Variants in HNRNPUL1 observed in about 807,000 individuals in gnomAD.
HNRNPUL1 encodes heterogeneous nuclear ribonucleoprotein U like 1.
Under a neutral mutation model 108.5 loss-of-function variants are expected in HNRNPUL1, and 14 were observed. The ratio of observed to expected loss-of-function variants is 0.13; its 90% CI spans 0.09 to 0.20. The LOEUF is 0.20. Ranked by LOEUF, HNRNPUL1 falls within the 10% of genes least tolerant of loss-of-function variation. HNRNPUL1 has a pLI of 1.00. For synonymous variants in HNRNPUL1, 422 were observed against 445.2 expected (o/e 0.95, Z 0.66); for missense variants, 804 against 1,168.3 (o/e 0.69, Z 4.55).
Position 41,303,968 on chromosome 19 carries a change from A to G in HNRNPUL1, c.1973-4A>G. ...CGCCTTTCATCTGGATTTCTCCAAC[A>G]CAGGTTTCAACCGCAGCGGAGGTGG... On this transcript the variant is annotated splice_polypyrimidine_tract_variant and splice_region_variant and intron_variant, in intron 12 of 14. Transcript: ENST00000392006. 1 of 1,604,354 alleles carries G rather than the reference A, an allele frequency of 6.2e-7. No individual in the cohort carries two copies. Among genetic ancestry groups the G allele is most frequent in the Non-Finnish European group, 8.5e-7 (1 of 1,172,728 alleles).
At chr19:41,304,408 C>T in intron 13 of HNRNPUL1, 147 bp downstream of exon 13, 1 of 1,406,962 alleles carries the variant, frequency 7.1e-7, no homozygotes, top group Non-Finnish European at 9.4e-7. Flanking sequence ...TTCTTTCTCC[C>T]TGGCCGTGAT....
At chr19:41,276,491 A>G in intron 5 of HNRNPUL1, 193 bp downstream of exon 5, 2 of 531,194 alleles carry the variant, frequency 3.8e-6, no homozygotes, top group Admixed American at 3.7e-5. Flanking sequence ...AAGCAGGCCA[A>G]CCATGCATTG....
chr19:41,284,860 G>A (rs1425332313), intron 7 of HNRNPUL1, among the ~76,000 whole-genome samples: 1 of 152,070 alleles, frequency 6.6e-6, no homozygotes, highest in Non-Finnish European at 1.5e-5. Flanking sequence ...GCCGGGCGTG[G>A]TGGCCAGCGC....
Position 41,306,890 on chromosome 19 carries a change from C to T in HNRNPUL1, c.*325C>T, listed in dbSNP as rs2037578398. ...CTCCCTTGATCATACAGTGAGGCTA[C>T]AGTGACTGAGGGGAGAATCCCCTCC... On this transcript the variant is annotated 3_prime_UTR_variant, in exon 15 of 15. Transcript: ENST00000392006. 4 of 193,974 alleles carry T rather than the reference C, an allele frequency of 2.1e-5. No individual in the cohort carries two copies. In the Admixed American group the frequency reaches 2.4e-4, roughly 12 times the overall value. The allele number at this position is 193,974 out of a possible 1,614,324, so 12.0% of individuals were successfully genotyped here. A position where few individuals can be genotyped will look rare whatever the true frequency, so the allele number is the denominator to read the frequency against.
Position 41,264,428 on chromosome 19 carries a change from T to A in HNRNPUL1, c.-76T>A. 1 of 1,221,562 alleles carries A rather than the reference T, an allele frequency of 8.2e-7. No homozygotes were observed. Among genetic ancestry groups the A allele is most frequent in the South Asian group, 2.7e-5 (1 of 37,366 alleles). 75.7% of individuals were successfully genotyped at this position (1,221,562 alleles called of 1,614,324 possible). ...CCCCCCCCTTTCCCCCTTCGCCTCC[T>A]GACAGGAAAGGTTTAAGGGGGACAG... On this transcript the variant is annotated 5_prime_UTR_variant, in exon 1 of 15. Coordinates refer to ENST00000392006, the MANE Select transcript of HNRNPUL1 (RefSeq NM_007040.6).
At chr19:41,276,362 A>G in intron 5 of HNRNPUL1, 64 bp downstream of exon 5, 6 of 1,525,886 alleles carry the variant, frequency 3.9e-6, no homozygotes, top group Middle Eastern at 1.8e-4. Context: ...TCCTGATACC[A>G]GCCACCTTGG....
chr19:41,271,196 T>C (rs1337526915), intron 2 of HNRNPUL1, among the ~76,000 whole-genome samples: 1 of 152,242 alleles, frequency 6.6e-6, no homozygotes, highest in Non-Finnish European at 1.5e-5. Flanking sequence ...CAGACATTTC[T>C]TGTGGGTGGC....
At chr19:41,268,689 C>G (rs2035015444) in intron 2 of HNRNPUL1, among the ~76,000 whole-genome samples, 1 of 151,960 alleles carries the variant, frequency 6.6e-6, no homozygotes, top group Non-Finnish European at 1.5e-5. Flanking sequence ...TGAAACCCGT[C>G]TCTACTAAAA....
intron 7 of HNRNPUL1, among the ~76,000 whole-genome samples, chr19:41,290,749 C>T (rs1233704283): frequency 6.6e-6 from 1 of 152,066 alleles, no homozygotes; most frequent in Non-Finnish European, 1.5e-5. Flanking sequence ...GAACTGAAGC[C>T]ATCCACCTTC....
In HNRNPUL1 at chr19:41,303,967, C is replaced by G; in HGVS notation, c.1973-5C>G. 1 of 1,603,910 alleles carries G rather than the reference C, an allele frequency of 6.2e-7. No individual in the cohort carries two copies. The highest frequency in any genetic ancestry group is 8.5e-7 in the Non-Finnish European group (1 of 1,172,440). ...GCGCCTTTCATCTGGATTTCTCCAA[C>G]ACAGGTTTCAACCGCAGCGGAGGTG... On this transcript the variant is annotated splice_polypyrimidine_tract_variant and splice_region_variant and intron_variant, in intron 12 of 14. Transcript: ENST00000392006.
In HNRNPUL1 at chr19:41,294,838, A is replaced by T. The variant is rs2036794050; in HGVS notation, c.1518+152A>T. 2.3e-6 allele frequency: 2 copies of T among 869,988 alleles called. No individual in the cohort carries two copies. Among genetic ancestry groups the T allele is most frequent in the Non-Finnish European group, 3.6e-6 (2 of 559,210 alleles). The allele number at this position is 869,988 out of a possible 1,614,324, so 53.9% of individuals were successfully genotyped here. A position where few individuals can be genotyped will look rare whatever the true frequency, so the allele number is the denominator to read the frequency against. Reference sequence around the variant, plus strand: ...GTCAGACCTTGTCATACATGATGACATGGTACTACACACAGCTGAGCCTGG... The same window carrying T: ...GTCAGACCTTGTCATACATGATGACTTGGTACTACACACAGCTGAGCCTGG... On this transcript the variant is annotated intron_variant, in intron 10 of 14. Coordinates refer to ENST00000392006, the MANE Select transcript of HNRNPUL1 (RefSeq NM_007040.6). This position sits in a 1 kb window ranked among gnomAD's most constrained non-coding sequence, Gnocchi z 4.3.
intron 10 of HNRNPUL1, among the ~76,000 whole-genome samples, chr19:41,299,945 C>T (rs950910981): frequency 2.0e-5 from 3 of 152,032 alleles, no homozygotes; most frequent in Non-Finnish European, 2.9e-5. Context: ...TGGGCTTAGA[C>T]GAGGGCTTTT....
chr19:41,276,967 G>A (rs1000576133), intron 5 of HNRNPUL1, among the ~76,000 whole-genome samples: 4 of 151,908 alleles, frequency 2.6e-5, no homozygotes, highest in Admixed American at 6.6e-5. Flanking sequence ...GCATGGTGGC[G>A]GGTGCCTGCA....
Position 41,273,990 on chromosome 19 carries a change from C to A in HNRNPUL1, c.581C>A (p.Ser194Tyr), listed in dbSNP as rs1199510477. Residue 194 changes from serine to tyrosine, a missense_variant, in exon 4 of 15, where the codon TCT (serine) becomes TAT (tyrosine). Physicochemically the swap from Ser to Tyr is moderately radical, Grantham distance 144. Coordinates refer to ENST00000392006, the MANE Select transcript of HNRNPUL1 (RefSeq NM_007040.6). ...FEHREDRRGR[S>Y]PQPPAEEDED... Reference sequence around the variant, plus strand: ...CCCTGTTTCTAATACAGGGGCCGCTCTCCTCAGCCTCCTGCTGAAGAGGAT... The same window carrying A: ...CCCTGTTTCTAATACAGGGGCCGCTATCCTCAGCCTCCTGCTGAAGAGGAT... The A allele has an allele frequency of 1.2e-6, 2 of 1,613,950 alleles. No homozygotes were observed. The highest frequency in any genetic ancestry group is 1.7e-6 in the Non-Finnish European group (2 of 1,179,818).
intron 2 of HNRNPUL1, among the ~76,000 whole-genome samples, chr19:41,271,880 C>T (rs1044734064): frequency 6.6e-6 from 1 of 152,144 alleles, no homozygotes; most frequent in Admixed American, 6.5e-5. Flanking sequence ...GTCATGGTAT[C>T]TCAGATCCTA....
intron 12 of HNRNPUL1, among the ~76,000 whole-genome samples, chr19:41,303,415 G>A (rs1185710841): frequency 6.8e-6 from 1 of 147,046 alleles, no homozygotes; most frequent in African/African-American, 2.5e-5. Flanking sequence ...GTGCAATGGT[G>A]TAATCTCGGC....
At chr19:41,266,119 C>T (rs899345436) in intron 1 of HNRNPUL1, among the ~76,000 whole-genome samples, 2 of 151,950 alleles carry the variant, frequency 1.3e-5, no homozygotes, top group African/African-American at 4.8e-5. Flanking sequence ...TATGGGACGG[C>T]GTGAATCTTC....
At chr19:41,264,922 C>T in intron 1 of HNRNPUL1, 124 bp downstream of exon 1, 2 of 1,336,552 alleles carry the variant, frequency 1.5e-6, no homozygotes, top group African/African-American at 1.5e-5. Context: ...TCCCGCTACC[C>T]GCCGCCGAAA....
At chr19:41,305,517 G>A (rs1480854140) in intron 13 of HNRNPUL1, 159 bp from the exon 14 acceptor site, 3 of 860,630 alleles carry the variant, frequency 3.5e-6, no homozygotes, top group South Asian at 3.2e-5. Context: ...GCATGGAGCT[G>A]GCTCTCCTCC....
Sources: allele counts gnomAD v4.1 joint callset (sites outside exome capture counted in the v4.1 genomes callset), GRCh38; gene constraint gnomAD v4.1.1; non-coding constraint Gnocchi (gnomAD v3.1); transcripts MANE v1.5; gene names NCBI Gene and HGNC (gene_info 2026-07-23, HGNC 2026-07-21).